MEGF11: variants seen among roughly 807,000 people sequenced by gnomAD.
The protein encoded by MEGF11 is multiple epidermal growth factor-like domains protein 11.
In MEGF11, 126 loss-of-function variants were observed where a neutral mutation model predicts 146.6. That is an observed-to-expected ratio of 0.86 (90% confidence interval 0.74 to 1.00). The LOEUF is 1.00. Ranked by LOEUF, MEGF11 falls within the 50% of genes least tolerant of loss-of-function variation. The pLI, the probability that MEGF11 is intolerant of heterozygous loss-of-function variation, is 0.00. For missense variants in MEGF11, 1,509 were observed against 1,521.2 expected (o/e 0.99, Z 0.13); for synonymous variants, 532 against 583.4 (o/e 0.91, Z 1.27).
chr15:66,050,498 G>A lies in MEGF11; in HGVS notation c.394+43904C>T, dbSNP rs192654115. 5.3e-5 allele frequency among the ~76,000 whole-genome samples: 8 copies of A among 152,308 alleles called. No individual in the cohort carries two copies. In the East Asian group the frequency reaches 1.5e-3, roughly 29 times the overall value. On this transcript the variant is annotated intron_variant, in intron 5 of 25. Transcript: ENST00000395614. ...CCTGAGAGACCTGCCATGTGCAAGGGGCAGGAGGGAGGTCAGGGAGGCTAG... is the reference window on the plus strand; with the variant it reads ...CCTGAGAGACCTGCCATGTGCAAGGAGCAGGAGGGAGGTCAGGGAGGCTAG...
intron 10 of MEGF11, among the ~76,000 whole-genome samples, chr15:65,943,010 G>A (rs530936105): frequency 2.4e-3 from 240 of 100,560 alleles, no homozygotes; most frequent in Non-Finnish European, 3.7e-3. Flanking sequence ...TTTTTAACAC[G>A]GAGTTTTGCT....
intron 5 of MEGF11, among the ~76,000 whole-genome samples, chr15:66,003,211 C>T (rs947148459): frequency 6.6e-6 from 1 of 152,000 alleles, no homozygotes; most frequent in East Asian, 1.9e-4. Flanking sequence ...CCAGGCTGGT[C>T]TCAAACTCCT....
chr15:65,990,749 C>G (rs1028948040), intron 5 of MEGF11, among the ~76,000 whole-genome samples: 1 of 151,926 alleles, frequency 6.6e-6, no homozygotes, highest in South Asian at 2.1e-4. Context: ...AAGAAAGAAA[C>G]AAACAAACAC....
chr15:66,209,378 C>T (rs993173832), intron 1 of MEGF11, among the ~76,000 whole-genome samples: 3 of 151,772 alleles, frequency 2.0e-5, no homozygotes, highest in Non-Finnish European at 4.4e-5. Flanking sequence ...AAACTAAACA[C>T]GCAAGTACCA....
intron 3 of MEGF11, among the ~76,000 whole-genome samples, chr15:66,121,902 A>G (rs2140925977): frequency 6.6e-6 from 1 of 152,352 alleles, no homozygotes; most frequent in South Asian, 2.1e-4. Context: ...CTGGAGGAAC[A>G]TAATAGAATC....
At chr15:66,016,951 C>T (rs963519348) in intron 5 of MEGF11, among the ~76,000 whole-genome samples, 4 of 152,130 alleles carry the variant, frequency 2.6e-5, no homozygotes, top group East Asian at 1.9e-4. Flanking sequence ...GGGGAGATTC[C>T]GAAGCTCTCT....
chr15:66,179,847 A>C, intron 1 of MEGF11, among the ~76,000 whole-genome samples: 2 of 129,574 alleles, frequency 1.5e-5, no homozygotes, highest in Admixed American at 1.7e-4. Flanking sequence ...AGTGCCTAAC[A>C]CCCTCCGACA....
At chr15:66,084,241 A>G (rs2140574595) in intron 5 of MEGF11, among the ~76,000 whole-genome samples, 1 of 152,346 alleles carries the variant, frequency 6.6e-6, no homozygotes, top group South Asian at 2.1e-4. Context: ...TCCAGAATAT[A>G]TAAAGAATGC....
Position 65,937,621 on chromosome 15 carries a change from A to G in MEGF11, c.1288-6678T>C, listed in dbSNP as rs539004385. Among the ~76,000 whole-genome samples the G allele has an allele frequency of 3.3e-5, 5 of 152,338 alleles. No individual in the cohort carries two copies. In the South Asian group the frequency reaches 1.0e-3, roughly 32 times the overall value. ...TGCAGTCACTCTGGGCTGGTGTCCA[A>G]GGCCAGTCATATATTGGACAAATAC... is the stretch of plus-strand genomic sequence containing the variant. On this transcript the variant is annotated intron_variant, in intron 10 of 25. Transcript: ENST00000395614.
chr15:66,220,247 C>T (rs1011933095), intron 1 of MEGF11, among the ~76,000 whole-genome samples: 3 of 151,958 alleles, frequency 2.0e-5, no homozygotes, highest in African/African-American at 7.3e-5. Flanking sequence ...AAGAACCCCC[C>T]ACCCCCCGCC....
At chr15:65,910,559 C>T (rs1266329311) in intron 21 of MEGF11, among the ~76,000 whole-genome samples, 1 of 152,138 alleles carries the variant, frequency 6.6e-6, no homozygotes. Flanking sequence ...CCACTCTGGG[C>T]CCCTGGGCTG....
intron 5 of MEGF11, among the ~76,000 whole-genome samples, chr15:66,033,522 G>A (rs543237794): frequency 2.2e-4 from 34 of 152,326 alleles, no homozygotes; most frequent in Middle Eastern, 6.8e-3. Flanking sequence ...CGTCCATGTG[G>A]TACTGACTCT....
At chr15:66,057,577 A>G (rs986514365) in intron 5 of MEGF11, among the ~76,000 whole-genome samples, 1 of 151,950 alleles carries the variant, frequency 6.6e-6, no homozygotes, top group Non-Finnish European at 1.5e-5. Flanking sequence ...CACCTTTTCT[A>G]TTACGTCAAG....
chr15:66,144,273 C>G (rs992033178), intron 1 of MEGF11, among the ~76,000 whole-genome samples: 2 of 152,138 alleles, frequency 1.3e-5, no homozygotes, highest in African/African-American at 4.8e-5. Flanking sequence ...AAAGCTCCCC[C>G]AGGTGATTCC....
At chr15:66,019,078 G>C (rs1185830435) in intron 5 of MEGF11, among the ~76,000 whole-genome samples, 2 of 152,210 alleles carry the variant, frequency 1.3e-5, no homozygotes, top group Non-Finnish European at 2.9e-5. Context: ...CCACACGTCA[G>C]GCTTGGTCCC....
At position 66,243,801 on chromosome 15, in the gene MEGF11, T is replaced by C. The variant is rs148482387; in HGVS notation, c.-9+9804A>G. 5.2e-3 allele frequency among the ~76,000 whole-genome samples: 795 copies of C among 152,156 alleles called. 7 individuals are homozygous for C. Among genetic ancestry groups the C allele is most frequent in the African/African-American group, 0.018 (757 of 41,492 alleles). On this transcript the variant is annotated intron_variant, in intron 1 of 25. Transcript: ENST00000395614. ...AAGGACAGGAGTGGGTTTTAAATAA[T>C]TTTTGGTCTGAGAAAAGATAGGCCC...
intron 4 of MEGF11, among the ~76,000 whole-genome samples, chr15:66,115,510 T>C (rs2087681107): frequency 6.6e-6 from 1 of 152,244 alleles, no homozygotes; most frequent in Admixed American, 6.5e-5. Context: ...TGGTAACAGC[T>C]GACACCAGCC....
At chr15:66,202,140 C>T (rs1163941437) in intron 1 of MEGF11, among the ~76,000 whole-genome samples, 3 of 137,940 alleles carry the variant, frequency 2.2e-5, no homozygotes, top group Non-Finnish European at 3.2e-5. Context: ...CACACACACA[C>T]AAGTGATACA....
intron 5 of MEGF11, among the ~76,000 whole-genome samples, chr15:66,041,898 G>A: frequency 6.6e-6 from 1 of 152,098 alleles, no homozygotes; most frequent in Non-Finnish European, 1.5e-5. Flanking sequence ...GCAGAGCTGG[G>A]ATCTAAACCA....
Sources: allele counts gnomAD v4.1 joint callset (sites outside exome capture counted in the v4.1 genomes callset), GRCh38; gene constraint gnomAD v4.1.1; transcripts MANE v1.5; gene names NCBI Gene and HGNC (gene_info 2026-07-23, HGNC 2026-07-21).